The following ARHGAP15 variants were observed in gnomAD, a reference collection of about 807,000 sequenced individuals.
The protein encoded by ARHGAP15 is rho GTPase-activating protein 15.
A neutral mutation model predicts 63.7 loss-of-function variants in ARHGAP15; 51 were observed. That is an observed-to-expected ratio of 0.80 (90% confidence interval 0.64 to 1.01). The LOEUF is 1.01. ARHGAP15 is among the 50% of genes least tolerant of loss of function. ARHGAP15 has a pLI of 0.00. For missense variants in ARHGAP15, 560 were observed against 564.6 expected (o/e 0.99, Z 0.08); for synonymous variants, 191 against 193.8 (o/e 0.99, Z 0.12).
At chr2:143,495,838 T>C (rs1312856028) in intron 9 of ARHGAP15, among the ~76,000 whole-genome samples, 2 of 152,212 alleles carry the variant, frequency 1.3e-5, no homozygotes, top group African/African-American at 2.4e-5. Flanking sequence ...GGTAGAGACA[T>C]GCTCCAACTT....
At chr2:143,702,768 C>T (rs1276593980) in intron 12 of ARHGAP15, among the ~76,000 whole-genome samples, 3 of 152,090 alleles carry the variant, frequency 2.0e-5, no homozygotes, top group Admixed American at 6.5e-5. Flanking sequence ...AGCCCCTCAT[C>T]GCATACCCTC....
chr2:143,534,843 T>C (rs1694681125), intron 10 of ARHGAP15, among the ~76,000 whole-genome samples: 1 of 151,674 alleles, frequency 6.6e-6, no homozygotes, highest in East Asian at 1.9e-4. Flanking sequence ...ATCATACCAC[T>C]GCACTCTAGC....
intron 5 of ARHGAP15, among the ~76,000 whole-genome samples, chr2:143,232,898 C>A (rs924723895): frequency 2.4e-4 from 36 of 151,974 alleles, no homozygotes; most frequent in African/African-American, 8.5e-4. Context: ...TTTTATCATT[C>A]CATTTTTTTC....
chr2:143,333,049 A>G (rs1364357616), intron 6 of ARHGAP15, among the ~76,000 whole-genome samples: 1 of 152,014 alleles, frequency 6.6e-6, no homozygotes. Context: ...GAATGCTTGT[A>G]GCCTTCACTG....
At chr2:143,435,465 G>C (rs550666873) in intron 6 of ARHGAP15, 136 bp from the exon 7 acceptor site, 3 of 1,285,712 alleles carry the variant, frequency 2.3e-6, no homozygotes, top group Middle Eastern at 2.8e-4. Flanking sequence ...TTCCCAGAAA[G>C]ACAATTACTG....
intron 6 of ARHGAP15, among the ~76,000 whole-genome samples, chr2:143,352,231 T>C (rs1024537386): frequency 1.4e-4 from 21 of 152,212 alleles, no homozygotes; most frequent in African/African-American, 5.1e-4. Context: ...AAATTTATAG[T>C]TTGGAAAACA....
intron 13 of ARHGAP15, among the ~76,000 whole-genome samples, chr2:143,762,987 A>C (rs1686812081): frequency 6.6e-6 from 1 of 152,140 alleles, no homozygotes; most frequent in Non-Finnish European, 1.5e-5. Flanking sequence ...TGTTTTTGAG[A>C]GTTTTCCATC....
chr2:143,730,667 T>C (rs1685486590), intron 13 of ARHGAP15, among the ~76,000 whole-genome samples: 1 of 152,094 alleles, frequency 6.6e-6, no homozygotes, highest in Non-Finnish European at 1.5e-5. Context: ...TTGCATGACT[T>C]GGTTCAAGGG....
chr2:143,153,797 C>A (rs1305463207), intron 1 of ARHGAP15, among the ~76,000 whole-genome samples: 44 of 51,904 alleles, frequency 8.5e-4, no homozygotes, highest in African/African-American at 2.8e-3. Context: ...TCTTCTTCTT[C>A]TTCTTCTTCT....
At chr2:143,746,395 G>A (rs1686165806) in intron 13 of ARHGAP15, among the ~76,000 whole-genome samples, 1 of 151,954 alleles carries the variant, frequency 6.6e-6, no homozygotes, top group Non-Finnish European at 1.5e-5. Flanking sequence ...AAACACAGAA[G>A]ATAGGAAGAA....
chr2:143,438,803 T>A (rs1278090171), intron 8 of ARHGAP15, among the ~76,000 whole-genome samples: 1 of 152,176 alleles, frequency 6.6e-6, no homozygotes, highest in East Asian at 1.9e-4. Context: ...ATATTTAGTG[T>A]TAATCATATA....
chr2:143,278,356 C>A (rs914612625), intron 6 of ARHGAP15, among the ~76,000 whole-genome samples: 7 of 152,172 alleles, frequency 4.6e-5, no homozygotes, highest in African/African-American at 1.7e-4. Context: ...TGGACTAGAA[C>A]TGATCACATG....
chr2:143,465,265 G>A (rs1691145105), intron 8 of ARHGAP15, among the ~76,000 whole-genome samples: 1 of 152,304 alleles, frequency 6.6e-6, no homozygotes, highest in Non-Finnish European at 1.5e-5. Flanking sequence ...AGAAGGAAAA[G>A]AGGAATAGTG....
intron 6 of ARHGAP15, among the ~76,000 whole-genome samples, chr2:143,288,622 C>CTT (rs35206838): frequency 1.4e-5 from 2 of 145,088 alleles, no homozygotes; most frequent in African/African-American, 2.5e-5. Context: ...CCTCGGGACA[C>CTT]TTTTTTTTTT....
At chr2:143,260,222 A>C (rs1680650078) in intron 6 of ARHGAP15, among the ~76,000 whole-genome samples, 1 of 152,170 alleles carries the variant, frequency 6.6e-6, no homozygotes, top group African/African-American at 2.4e-5. Context: ...TTGAAAATAA[A>C]ATAGTTAAAA....
At chr2:143,281,503 G>T (rs370114755) in intron 6 of ARHGAP15, among the ~76,000 whole-genome samples, 2 of 152,220 alleles carry the variant, frequency 1.3e-5, no homozygotes, top group South Asian at 4.1e-4. Context: ...ATGAGGTCCT[G>T]CAACAGTTCA....
intron 10 of ARHGAP15, among the ~76,000 whole-genome samples, chr2:143,534,880 C>CAA (rs201593360): frequency 7.0e-6 from 1 of 143,860 alleles, no homozygotes; most frequent in African/African-American, 2.6e-5. Flanking sequence ...GAACCTGTCT[C>CAA]AAAAAAAAAA....
At position 143,191,301 on chromosome 2, in the gene ARHGAP15, T is replaced by C. The variant is rs577468074; in HGVS notation, c.166-10833T>C. Among the ~76,000 whole-genome samples the C allele has an allele frequency of 3.3e-5, 5 of 152,334 alleles. No homozygotes were observed. The South Asian group carries it at 6.2e-4, about 19-fold the overall frequency. The stretch of plus-strand genomic sequence containing the variant: ...ATGTCAAAGCTCCTAAGAGAAATTA[T>C]GGAAGTCCACCTGGAAAAGGCTTGC... On this transcript the variant is annotated intron_variant, in intron 2 of 13. Transcript: ENST00000295095.
intron 8 of ARHGAP15, among the ~76,000 whole-genome samples, chr2:143,481,686 G>A (rs1401587552): frequency 6.6e-6 from 1 of 152,080 alleles, no homozygotes; most frequent in Admixed American, 6.6e-5. Context: ...TATACTAAGG[G>A]CACCCATTTA....
Sources: gnomAD v4.1 joint callset for allele counts (sites outside exome capture counted in the v4.1 genomes callset) on GRCh38, gnomAD v4.1.1 for gene constraint, MANE v1.5 for transcripts, NCBI Gene and HGNC (gene_info 2026-07-23, HGNC 2026-07-21) for gene names.